Variants in APBA1 observed in about 807,000 individuals in gnomAD.
APBA1 encodes the protein amyloid beta precursor protein binding family A member 1.
Under a neutral mutation model 86.6 loss-of-function variants are expected in APBA1, and 55 were observed. The observed-to-expected ratio is 0.64, with a 90% CI of 0.51 to 0.80. The LOEUF is 0.80. APBA1 is among the 30% of genes least tolerant of loss of function. The pLI is 0.00. For missense variants in APBA1, 1,090 were observed against 1,183.0 expected (o/e 0.92, Z 1.15); for synonymous variants, 511 against 493.9 (o/e 1.03, Z -0.46).
Position 69,569,808 on chromosome 9 carries a change from T to A in APBA1, c.-69-52529A>T, listed in dbSNP as rs116446334. Among the ~76,000 whole-genome samples the A allele has an allele frequency of 5.7e-3, 864 of 152,206 alleles. 5 individuals are homozygous for A. The highest frequency in any genetic ancestry group is 0.019 in the African/African-American group (806 of 41,522). ...TTCTGCAATAATACTGATTCAAAAA[T>A]GGCCCAAAAACTTGCTAGAGTTTTT... On this transcript the variant is annotated intron_variant, in intron 1 of 12. Transcript: ENST00000265381.
At chr9:69,584,210 T>G (rs1011957203) in intron 1 of APBA1, among the ~76,000 whole-genome samples, 7 of 152,204 alleles carry the variant, frequency 4.6e-5, no homozygotes, top group Non-Finnish European at 4.4e-5. Flanking sequence ...CATCCATATG[T>G]GTACATCTCC....
rs375638532 is a variant in APBA1, at chr9:69,432,720, G to T, written c.2302-44C>A. On this transcript the variant is annotated intron_variant, in intron 11 of 12. Coordinates refer to ENST00000265381, the MANE Select transcript of APBA1 (RefSeq NM_001163.4). ...GAGTTACCCTCATTGCAGACAGTGC[G>T]GTGGGGCTGGAAGGCCGTCTTTCCT... 8 of 1,432,340 alleles carry T rather than the reference G, an allele frequency of 5.6e-6. No homozygotes were observed. The South Asian group carries it at 1.3e-4, about 23-fold the overall frequency. 88.7% of individuals were successfully genotyped at this position (1,432,340 alleles called of 1,614,324 possible).
At chr9:69,567,353 G>A (rs1391723337) in intron 1 of APBA1, among the ~76,000 whole-genome samples, 1 of 151,956 alleles carries the variant, frequency 6.6e-6, no homozygotes, top group East Asian at 1.9e-4. Context: ...CCACCGCCAT[G>A]CAACACAGAG....
intron 1 of APBA1, among the ~76,000 whole-genome samples, chr9:69,605,592 T>C (rs1254752338): frequency 6.6e-6 from 1 of 152,170 alleles, no homozygotes; most frequent in Non-Finnish European, 1.5e-5. Context: ...ACGTTGTCAT[T>C]TGGTCTTGGC....
intron 1 of APBA1, among the ~76,000 whole-genome samples, chr9:69,644,246 A>G (rs1823347140): frequency 6.6e-6 from 1 of 152,238 alleles, no homozygotes; most frequent in African/African-American, 2.4e-5. Flanking sequence ...TATCAGGTAC[A>G]GAATAGATGT....
chr9:69,462,304 T>G (rs556996273), intron 5 of APBA1: 1 of 152,232 alleles, frequency 6.6e-6, no homozygotes, highest in Non-Finnish European at 1.5e-5. Flanking sequence ...GAAGGCAAGG[T>G]GGAGATGCAG....
At chr9:69,599,851 G>A (rs538441781) in intron 1 of APBA1, among the ~76,000 whole-genome samples, 21 of 152,276 alleles carry the variant, frequency 1.4e-4, no homozygotes, top group Non-Finnish European at 2.2e-4. Flanking sequence ...CAGCACATTC[G>A]CTCGAAGGGA....
At chr9:69,530,357 C>CACAT (rs1836411464) in intron 1 of APBA1, among the ~76,000 whole-genome samples, 1 of 148,048 alleles carries the variant, frequency 6.8e-6, no homozygotes, top group South Asian at 2.1e-4. Context: ...CACACACACA[C>CACAT]ATGCAACACT....
At chr9:69,444,424 T>C (rs1031429836) in intron 10 of APBA1, among the ~76,000 whole-genome samples, 8 of 152,228 alleles carry the variant, frequency 5.3e-5, no homozygotes, top group African/African-American at 9.7e-5. Context: ...AAGAGGACTC[T>C]TGTGGTGTCA....
intron 1 of APBA1, among the ~76,000 whole-genome samples, chr9:69,526,566 A>G (rs1411843925): frequency 6.6e-6 from 1 of 152,128 alleles, no homozygotes; most frequent in African/African-American, 2.4e-5. Flanking sequence ...AACTCAAACA[A>G]CAACAGATGC....
At chr9:69,504,725 GT>G (rs754715849) in intron 2 of APBA1, among the ~76,000 whole-genome samples, 2 of 151,976 alleles carry the variant, frequency 1.3e-5, no homozygotes, top group African/African-American at 2.4e-5. Context: ...TATTCTCCGG[GT>G]CTCACTGCTT....
At chr9:69,453,626 T>G (rs1215683339) in intron 8 of APBA1, among the ~76,000 whole-genome samples, 1 of 152,236 alleles carries the variant, frequency 6.6e-6, no homozygotes, top group Non-Finnish European at 1.5e-5. Context: ...AATCCTTCAC[T>G]TGGAATGCAA....
intron 2 of APBA1, among the ~76,000 whole-genome samples, chr9:69,496,920 G>A (rs1835807531): frequency 1.3e-5 from 2 of 151,896 alleles, no homozygotes; most frequent in South Asian, 2.1e-4. Flanking sequence ...GCTGTTTAGA[G>A]TGTTCACTGC....
Position 69,646,905 on chromosome 9 carries a change from A to AG in APBA1, c.-70+25247dup, listed in dbSNP as rs376010725. ...TTAACACTATTTTCTTAGGCCTCTC[A>AG]GTGCCCTCCATGAATAAGTCCTGAG... On this transcript the variant is annotated intron_variant, in intron 1 of 12. Coordinates refer to ENST00000265381, the MANE Select transcript of APBA1 (RefSeq NM_001163.4). Among the ~76,000 whole-genome samples, 768 of 152,354 alleles carry AG rather than the reference A, an allele frequency of 5.0e-3. 12 individuals carry two copies. Among genetic ancestry groups the AG allele is most frequent in the African/African-American group, 0.017 (724 of 41,582 alleles).
chr9:69,570,828 G>A (rs1026441682), intron 1 of APBA1, among the ~76,000 whole-genome samples: 2 of 152,134 alleles, frequency 1.3e-5, no homozygotes, highest in African/African-American at 4.8e-5. Context: ...TCCCCACGGC[G>A]ATTGATTACC....
chr9:69,468,022 C>A, intron 4 of APBA1, 54 bp from the exon 5 acceptor site: 1 of 1,590,854 alleles, frequency 6.3e-7, no homozygotes, highest in Non-Finnish European at 8.6e-7. Context: ...GGCCTGCCAA[C>A]CCCCTCAATG....
intron 11 of APBA1, among the ~76,000 whole-genome samples, chr9:69,436,282 G>A (rs1834718156): frequency 1.3e-5 from 2 of 149,960 alleles, no homozygotes; most frequent in Admixed American, 6.7e-5. Context: ...GGTTCCATAT[G>A]AATTTTAAAG....
chr9:69,444,175 G>A (rs1002906156), intron 10 of APBA1, among the ~76,000 whole-genome samples: 8 of 152,278 alleles, frequency 5.3e-5, no homozygotes, highest in Middle Eastern at 3.4e-3. Flanking sequence ...TGTACCATGC[G>A]ACTTAGCATT....
intron 1 of APBA1, among the ~76,000 whole-genome samples, chr9:69,553,922 G>T (rs772806322): frequency 6.6e-6 from 1 of 152,080 alleles, no homozygotes; most frequent in African/African-American, 2.4e-5. Context: ...TGGTCTTATT[G>T]GTTTTTCTGG....
Sources: gnomAD v4.1 joint callset for allele counts (sites outside exome capture counted in the v4.1 genomes callset) on GRCh38, gnomAD v4.1.1 for gene constraint, MANE v1.5 for transcripts, NCBI Gene and HGNC (gene_info 2026-07-23, HGNC 2026-07-21) for gene names.